Variants in EPHA3 observed in about 807,000 individuals in gnomAD.
EPHA3 encodes the protein ephrin type-A receptor 3.
In EPHA3, 42 loss-of-function variants were observed where a neutral mutation model predicts 107.1. The ratio of observed to expected loss-of-function variants is 0.39; its 90% CI spans 0.31 to 0.51. The LOEUF is 0.51. Among genes scored for constraint, EPHA3 ranks in the 20% least tolerant of loss-of-function variants. The pLI is 0.78. For synonymous variants in EPHA3, 461 were observed against 424.8 expected, an observed-to-expected ratio of 1.09 and a Z score of -1.05; for missense variants, 1,183 against 1,211.2, an observed-to-expected ratio of 0.98 and a Z score of 0.35.
At chr3:89,338,701 A>C (rs556384392) in intron 3 of EPHA3, among the ~76,000 whole-genome samples, 1 of 152,122 alleles carries the variant, frequency 6.6e-6, no homozygotes, top group East Asian at 1.9e-4. Context: ...GGCGCCCACC[A>C]CTGTGCCCGG....
chr3:89,202,525 AAAAAAAAAAATAT>A (rs1420841873), intron 2 of EPHA3, among the ~76,000 whole-genome samples: 6 of 83,536 alleles, frequency 7.2e-5, no homozygotes, highest in African/African-American at 7.0e-5. Context: ...CAAAAAAAAA[AAAAAAAAAAATAT>A]ATATATATAT....
In EPHA3 at chr3:89,268,620, G is replaced by A. The variant is rs114926707; in HGVS notation, c.814+58100G>A. Among the ~76,000 whole-genome samples, 905 of 151,782 alleles carry A rather than the reference G, an allele frequency of 6.0e-3. 8 individuals carry two copies. The highest frequency in any genetic ancestry group is 0.018 in the African/African-American group (738 of 41,460). On this transcript the variant is annotated intron_variant, in intron 3 of 16. Coordinates refer to ENST00000336596, the MANE Select transcript of EPHA3 (RefSeq NM_005233.6). ...GAAAATTGAATTCACTTTTAGTAGT[G>A]TAGACAGTTACCCTATTATAAATTA...
chr3:89,405,580 C>A (rs1168215471), intron 7 of EPHA3, among the ~76,000 whole-genome samples: 5 of 152,224 alleles, frequency 3.3e-5, no homozygotes, highest in Admixed American at 6.5e-5. Context: ...AACAACCTAT[C>A]TGTCACGTTT....
At chr3:89,402,971 C>T (rs1708995143) in intron 7 of EPHA3, among the ~76,000 whole-genome samples, 1 of 152,126 alleles carries the variant, frequency 6.6e-6, no homozygotes, top group Admixed American at 6.5e-5. Flanking sequence ...AGCCACCGTG[C>T]CCAGCCGGTT....
intron 15 of EPHA3, among the ~76,000 whole-genome samples, chr3:89,471,656 GC>G (rs1235649875): frequency 1.3e-5 from 2 of 152,146 alleles, no homozygotes; most frequent in East Asian, 3.9e-4. Flanking sequence ...GAGCCACTGC[GC>G]CCGGCCCTTT....
intron 2 of EPHA3, among the ~76,000 whole-genome samples, chr3:89,163,934 C>G (rs1705003617): frequency 1.3e-5 from 2 of 152,134 alleles, no homozygotes; most frequent in African/African-American, 4.8e-5. Flanking sequence ...GGAATGAGAT[C>G]TTTAAATCTG....
At chr3:89,447,027 G>A (rs1238723391) in intron 13 of EPHA3, among the ~76,000 whole-genome samples, 1 of 152,056 alleles carries the variant, frequency 6.6e-6, no homozygotes, top group African/African-American at 2.4e-5. Context: ...GATTCCATTT[G>A]GCATCCTGAG....
At chr3:89,361,535 G>A (rs1177990349) in intron 5 of EPHA3, among the ~76,000 whole-genome samples, 2 of 150,972 alleles carry the variant, frequency 1.3e-5, no homozygotes, top group South Asian at 2.1e-4. Context: ...ATTCTGAATG[G>A]CATTTATCTT....
intron 3 of EPHA3, among the ~76,000 whole-genome samples, chr3:89,230,845 C>T (rs1455162468): frequency 1.3e-5 from 2 of 151,708 alleles, no homozygotes; most frequent in Non-Finnish European, 2.9e-5. Context: ...CACACACACA[C>T]ACACACACAC....
At chr3:89,422,710 A>G (rs1207283478) in intron 11 of EPHA3, among the ~76,000 whole-genome samples, 60 of 151,446 alleles carry the variant, frequency 4.0e-4, no homozygotes, top group Non-Finnish European at 1.9e-4. Context: ...CTTGAAAATA[A>G]TTCTTTTTTT....
intron 15 of EPHA3, among the ~76,000 whole-genome samples, chr3:89,455,838 A>G (rs1163171578): frequency 6.6e-6 from 1 of 152,192 alleles, no homozygotes; most frequent in East Asian, 1.9e-4. Context: ...AAAGTTTAAC[A>G]TCATTATTCT....
chr3:89,475,850 A>C (rs1161470624), intron 16 of EPHA3, among the ~76,000 whole-genome samples: 1 of 152,092 alleles, frequency 6.6e-6, no homozygotes, highest in Admixed American at 6.6e-5. Flanking sequence ...CACTCTTCTG[A>C]ACAGGACAGT....
At chr3:89,412,682 A>G (rs2107521492) in intron 9 of EPHA3, among the ~76,000 whole-genome samples, 1 of 151,878 alleles carries the variant, frequency 6.6e-6, no homozygotes, top group South Asian at 2.1e-4. Context: ...CTATAATTGC[A>G]GCCATTATCT....
intron 12 of EPHA3, among the ~76,000 whole-genome samples, chr3:89,429,603 A>T: frequency 6.6e-6 from 1 of 152,108 alleles, no homozygotes; most frequent in East Asian, 1.9e-4. Context: ...CTATAATGCT[A>T]AAGTATATAT....
intron 9 of EPHA3, among the ~76,000 whole-genome samples, chr3:89,412,852 T>C (rs748081385): frequency 4.5e-4 from 69 of 151,794 alleles, no homozygotes; most frequent in Admixed American, 1.1e-3. Context: ...TGAATTATCT[T>C]TCTTCTTAAG....
intron 15 of EPHA3, among the ~76,000 whole-genome samples, chr3:89,453,461 T>C (rs1320751542): frequency 6.6e-6 from 1 of 152,140 alleles, no homozygotes; most frequent in Non-Finnish European, 1.5e-5. Context: ...ATACATGAAC[T>C]AATTTGATGT....
chr3:89,300,563 T>A (rs995303457), intron 3 of EPHA3, among the ~76,000 whole-genome samples: 1 of 152,008 alleles, frequency 6.6e-6, no homozygotes, highest in Non-Finnish European at 1.5e-5. Flanking sequence ...TGCTAAACAT[T>A]TTTATTTAGA....
At chr3:89,139,160 G>A (rs746167099) in intron 2 of EPHA3, among the ~76,000 whole-genome samples, 3 of 151,766 alleles carry the variant, frequency 2.0e-5, no homozygotes, top group Non-Finnish European at 4.4e-5. Context: ...CCAGCAATCG[G>A]GGAGACAGCC....
intron 5 of EPHA3, among the ~76,000 whole-genome samples, chr3:89,390,990 T>G (rs1708717293): frequency 6.6e-6 from 1 of 151,942 alleles, no homozygotes; most frequent in Non-Finnish European, 1.5e-5. Context: ...GGTTTCATGT[T>G]GGCCAGGCTG....
Sources: gnomAD v4.1 joint callset for allele counts (sites outside exome capture counted in the v4.1 genomes callset) on GRCh38, gnomAD v4.1.1 for gene constraint, MANE v1.5 for transcripts, NCBI Gene and HGNC (gene_info 2026-07-23, HGNC 2026-07-21) for gene names.